The following CCDC77 variants were observed in gnomAD, a reference collection of about 807,000 sequenced individuals.
CCDC77 encodes coiled-coil domain-containing protein 77.
CCDC77 carries 56 observed loss-of-function variants against 66.8 expected under a neutral mutation model. That is an observed-to-expected ratio of 0.84 (90% CI 0.68 to 1.05). The LOEUF (loss-of-function observed/expected upper bound fraction) is 1.05, where lower values mean the gene tolerates loss of function less well. CCDC77 is among the 50% of genes least tolerant of loss of function. The pLI is 0.00. For synonymous variants in CCDC77, 196 were observed against 195.2 expected, an observed-to-expected ratio of 1.00 and a Z score of -0.03; for missense variants, 570 against 576.8, an observed-to-expected ratio of 0.99 and a Z score of 0.12.
chr12:422,763 A>T (rs1046069716), intron 5 of CCDC77, among the ~76,000 whole-genome samples: 1 of 152,160 alleles, frequency 6.6e-6, no homozygotes, highest in Non-Finnish European at 1.5e-5. Flanking sequence ...GGTGTGTGCC[A>T]ACATGTCTGG....
chr12:431,016 G>A (rs1945638954), intron 7 of CCDC77, among the ~76,000 whole-genome samples: 1 of 142,836 alleles, frequency 7.0e-6, no homozygotes, highest in Non-Finnish European at 1.5e-5. Context: ...GGAGGCGGAG[G>A]TTGCAGTGAG....
rs58938735 is a variant in CCDC77, at chr12:390,736, AACACACACACAC to A, written c.-113+1264_-113+1275del. On this transcript the variant is annotated intron_variant, in intron 1 of 11. Coordinates refer to the CCDC77 transcript ENST00000422000. ...AGTCCTTAAAATAAATATCTTTATA[AACACACACACAC>A]ACACACACACACATCTTATTGGTTC... 1.3e-4 allele frequency among the ~76,000 whole-genome samples: 19 copies of A among 149,462 alleles called. No homozygotes were observed. In the East Asian group the frequency reaches 3.7e-3, roughly 29 times the overall value.
Position 415,158 on chromosome 12 carries a change from CTAAT to C in CCDC77, c.270+3182_270+3185del, listed in dbSNP as rs563522560. ...CACAGTGTGAGCCACCGTGCCCAGC[CTAAT>C]TGTTTTTGTAGATTCTACAAAAAAA... is the stretch of plus-strand genomic sequence containing the variant. On this transcript the variant is annotated intron_variant, in intron 4 of 12. Transcript: ENST00000239830. 1.7e-3 allele frequency among the ~76,000 whole-genome samples: 255 copies of C among 151,922 alleles called. 1 individual carries two copies. The highest frequency in any genetic ancestry group is 5.8e-3 in the African/African-American group (240 of 41,460).
chr12:405,639 G>A lies in CCDC77; in HGVS notation c.-17+75G>A, dbSNP rs753154594. On this transcript the variant is annotated intron_variant, in intron 2 of 12. Coordinates refer to ENST00000239830, the MANE Select transcript of CCDC77 (RefSeq NM_032358.4). ...AGATGGCGTATTTGAAGGGTTGGCT[G>A]TAGAAGAAAACAAATGGGATGAGAG... is the stretch of plus-strand genomic sequence containing the variant. The A allele has an allele frequency of 3.9e-5, 6 of 152,166 alleles. 1 individual carries two copies. The highest frequency in any genetic ancestry group is 2.0e-4 in the Admixed American group (3 of 15,256). 9.4% of individuals were successfully genotyped at this position (152,166 alleles called of 1,614,324 possible). A position where few individuals can be genotyped will look rare whatever the true frequency, so the allele number is the denominator to read the frequency against.
chr12:423,494 G>GT lies in CCDC77; in HGVS notation c.413+4877dup, dbSNP rs56233976. On this transcript the variant is annotated intron_variant, in intron 5 of 12. Coordinates refer to ENST00000239830, the MANE Select transcript of CCDC77 (RefSeq NM_032358.4). ...TGTTTTTTGTGTTTTTTTTTGTTTT[G>GT]TTTTTTTTTTTTTTTTTTTGAGACA... 4.4e-3 allele frequency among the ~76,000 whole-genome samples: 156 copies of GT among 35,404 alleles called. 4 individuals carry two copies. The highest frequency in any genetic ancestry group is 0.025 in the Middle Eastern group (1 of 40). 23.2% of individuals were successfully genotyped at this position (35,404 alleles called of 152,430 possible).
At chr12:431,484 C>G (rs1945651398) in intron 7 of CCDC77, among the ~76,000 whole-genome samples, 1 of 152,096 alleles carries the variant, frequency 6.6e-6, no homozygotes, top group South Asian at 2.1e-4. Flanking sequence ...CCTGCTTTGG[C>G]CTCCCAAAGC....
chr12:419,536 C>T (rs1293544497), intron 5 of CCDC77, among the ~76,000 whole-genome samples: 8 of 22,842 alleles, frequency 3.5e-4, no homozygotes, highest in Admixed American at 1.3e-3. Flanking sequence ...AGAGGGTAAA[C>T]ACACATAGCA....
intron 4 of CCDC77, among the ~76,000 whole-genome samples, chr12:415,353 ATAATAT>A (rs570968100): frequency 0.098 from 8,737 of 88,882 alleles, 1,014 homozygotes; most frequent in Non-Finnish European, 0.14. Flanking sequence ...TATAATCAAC[ATAATAT>A]TATGTTAATA....
intron 7 of CCDC77, among the ~76,000 whole-genome samples, chr12:431,209 G>GTTT (rs1344170866): frequency 1.4e-5 from 1 of 71,234 alleles, no homozygotes; most frequent in Admixed American, 1.9e-4. Flanking sequence ...ATTTTGCTCA[G>GTTT]TTCTTTTTTT....
intron 3 of CCDC77, among the ~76,000 whole-genome samples, chr12:410,621 C>G (rs1373762399): frequency 6.7e-6 from 1 of 149,212 alleles, no homozygotes; most frequent in Non-Finnish European, 1.5e-5. Flanking sequence ...GTGATCTCGG[C>G]ACTTGAACCT....
Position 416,927 on chromosome 12 carries a change from G to C in CCDC77, c.271-1567G>C, listed in dbSNP as rs1007786778. Among the ~76,000 whole-genome samples the C allele has an allele frequency of 3.3e-5, 5 of 150,552 alleles. 1 individual carries two copies. The South Asian group carries it at 1.1e-3, about 32-fold the overall frequency. On this transcript the variant is annotated intron_variant, in intron 4 of 12. Transcript: ENST00000239830. Reference sequence around the variant, plus strand: ...GTTCGAGGCCGGCGGATCACCTGGGGTCAGGAGTTCGAGACCAGCCTGACC... The same window carrying C: ...GTTCGAGGCCGGCGGATCACCTGGGCTCAGGAGTTCGAGACCAGCCTGACC...
intron 5 of CCDC77, among the ~76,000 whole-genome samples, chr12:425,411 G>A (rs2137589785): frequency 6.6e-6 from 1 of 151,784 alleles, no homozygotes; most frequent in Non-Finnish European, 1.5e-5. Context: ...AACTCCACCT[G>A]GTACCTTGTG....
At chr12:404,487 G>T (rs150627690) in intron 1 of CCDC77, among the ~76,000 whole-genome samples, 450 of 152,234 alleles carry the variant, frequency 3.0e-3, no homozygotes, top group African/African-American at 0.01. Flanking sequence ...GAAGCCCGAG[G>T]CCTGGCTCAG....
At chr12:425,237 C>T (rs1052695667) in intron 5 of CCDC77, among the ~76,000 whole-genome samples, 3 of 146,010 alleles carry the variant, frequency 2.1e-5, no homozygotes, top group Non-Finnish European at 4.4e-5. Context: ...AGCCTCGCCA[C>T]GTGGGTTTTT....
chr12:411,981 A>C lies in CCDC77; in HGVS notation c.270+3A>C. Reference sequence around the variant, plus strand: ...ACAAAGAAGCTTGTGAAGGACAGGTAAAGAAACGATGCTGCTGCTTTAGAA... The same window carrying C: ...ACAAAGAAGCTTGTGAAGGACAGGTCAAGAAACGATGCTGCTGCTTTAGAA... On this transcript the variant is annotated splice_donor_region_variant and intron_variant, in intron 4 of 12. Transcript: ENST00000239830. 6.2e-7 allele frequency: 1 copy of C among 1,605,344 alleles called. No individual in the cohort carries two copies. Among genetic ancestry groups the C allele is most frequent in the Middle Eastern group, 1.7e-4 (1 of 6,028 alleles).
intron 9 of CCDC77, among the ~76,000 whole-genome samples, chr12:435,398 G>A (rs947552336): frequency 3.3e-5 from 5 of 152,086 alleles, no homozygotes; most frequent in African/African-American, 4.8e-5. Flanking sequence ...CATGTATTCC[G>A]TTTCCCAAGC....
chr12:413,167 T>C (rs962641193), intron 4 of CCDC77, among the ~76,000 whole-genome samples: 10 of 151,748 alleles, frequency 6.6e-5, no homozygotes, highest in African/African-American at 2.4e-4. Flanking sequence ...CTCAATCTCC[T>C]GACCTCGTGA....
At chr12:415,495 AATT>A (rs1007737169) in intron 4 of CCDC77, among the ~76,000 whole-genome samples, 16 of 147,878 alleles carry the variant, frequency 1.1e-4, no homozygotes, top group East Asian at 2.0e-4. Flanking sequence ...TTATTAACAT[AATT>A]ATTAACATAA....
Position 442,034 on chromosome 12 carries a change from CATT to C in CCDC77, c.*118_*120del, listed in dbSNP as rs1341241244. The C allele has an allele frequency of 4.5e-6, 5 of 1,111,928 alleles. No individual in the cohort carries two copies. Among genetic ancestry groups the C allele is most frequent in the Admixed American group, 4.0e-5 (2 of 50,392 alleles). 68.9% of individuals were successfully genotyped at this position (1,111,928 alleles called of 1,614,324 possible). On this transcript the variant is annotated 3_prime_UTR_variant, in exon 13 of 13. Transcript: ENST00000239830. Reference sequence around the variant, plus strand: ...CTGAGTTGACTAGAGTGGTGGTATTCATTATTGTAAAGACAGCTTGAAGAATCG... The same window carrying C: ...CTGAGTTGACTAGAGTGGTGGTATTCATTGTAAAGACAGCTTGAAGAATCG...
Sources: gnomAD v4.1 joint callset for allele counts (sites outside exome capture counted in the v4.1 genomes callset) on GRCh38, gnomAD v4.1.1 for gene constraint, MANE v1.5 for transcripts, NCBI Gene and HGNC (gene_info 2026-07-23, HGNC 2026-07-21) for gene names.